The following XKR4 variants were observed in gnomAD, a reference collection of about 807,000 sequenced individuals.
XKR4 encodes the protein XK-related protein 4.
XKR4 carries 12 observed loss-of-function variants against 53.9 expected under a neutral mutation model. That is an observed-to-expected ratio of 0.22 (90% CI 0.14 to 0.36). XKR4 has a LOEUF of 0.36. Ranked by LOEUF, XKR4 falls within the 10% of genes least tolerant of loss-of-function variation. XKR4 has a pLI of 1.00. For missense variants in XKR4, 799 were observed against 859.5 expected (o/e 0.93, Z 0.88); for synonymous variants, 354 against 362.4 (o/e 0.98, Z 0.26).
In XKR4 at chr8:55,527,073, C is replaced by G. The variant is rs899749138; in HGVS notation, c.*2846C>G. The G allele has an allele frequency of 1.3e-5, 2 of 152,174 alleles. No individual in the cohort carries two copies. Among genetic ancestry groups the G allele is most frequent in the African/African-American group, 4.8e-5 (2 of 41,448 alleles). The allele number at this position is 152,174 out of a possible 1,614,324, so 9.4% of individuals were successfully genotyped here. The stretch of plus-strand genomic sequence containing the variant: ...GATAAATCATGATTTAGCCTTGCTT[C>G]CATGATTCAGGAAGCACTACACTGC... On this transcript the variant is annotated 3_prime_UTR_variant, in exon 3 of 3. Coordinates refer to ENST00000327381, the MANE Select transcript of XKR4 (RefSeq NM_052898.2).
intron 1 of XKR4, among the ~76,000 whole-genome samples, chr8:55,129,618 A>G (rs771693631): frequency 3.9e-5 from 6 of 152,138 alleles, no homozygotes; most frequent in Non-Finnish European, 7.4e-5. Flanking sequence ...TCGGGGTGAG[A>G]AAGTTGACCC....
At chr8:55,480,095 A>C (rs1318072537) in intron 2 of XKR4, among the ~76,000 whole-genome samples, 2 of 152,158 alleles carry the variant, frequency 1.3e-5, no homozygotes, top group African/African-American at 4.8e-5. Context: ...AGAGACACCA[A>C]CAAAAAAGAG....
At chr8:55,476,355 G>A (rs1468830346) in intron 2 of XKR4, among the ~76,000 whole-genome samples, 1 of 152,174 alleles carries the variant, frequency 6.6e-6, no homozygotes, top group South Asian at 2.1e-4. Context: ...CCCCCCAGAG[G>A]TCAAAATGCC....
chr8:55,279,776 G>A (rs1442258146), intron 1 of XKR4, among the ~76,000 whole-genome samples: 10 of 152,146 alleles, frequency 6.6e-5, no homozygotes, highest in Admixed American at 5.2e-4. Flanking sequence ...CCAGAATGGG[G>A]CCATGTCTTG....
intron 2 of XKR4, among the ~76,000 whole-genome samples, chr8:55,414,313 C>A (rs1804814436): frequency 6.6e-6 from 1 of 152,090 alleles, no homozygotes; most frequent in Admixed American, 6.5e-5. Flanking sequence ...GCTTTTGCTT[C>A]TTGCAAGGCG....
chr8:55,358,676 G>GGAAAGCATTTCCTATTAATT (rs1803855479), intron 2 of XKR4, among the ~76,000 whole-genome samples: 1 of 152,214 alleles, frequency 6.6e-6, no homozygotes. Flanking sequence ...CATTTTCTAA[G>GGAAAGCATTTCCTATTAATT]GAAAGCATTT....
intron 2 of XKR4, among the ~76,000 whole-genome samples, chr8:55,476,956 A>G (rs948593713): frequency 2.0e-5 from 3 of 152,090 alleles, no homozygotes; most frequent in African/African-American, 7.2e-5. Context: ...TGTAGAGTCC[A>G]CCTCTGGGGG....
chr8:55,399,087 G>C (rs1804562051), intron 2 of XKR4, among the ~76,000 whole-genome samples: 1 of 152,192 alleles, frequency 6.6e-6, no homozygotes, highest in Non-Finnish European at 1.5e-5. Context: ...GAAGTAGCGA[G>C]TGTTGTTCTT....
chr8:55,222,106 G>A (rs890586398), intron 1 of XKR4, among the ~76,000 whole-genome samples: 6 of 152,186 alleles, frequency 3.9e-5, no homozygotes, highest in African/African-American at 1.2e-4. Flanking sequence ...CCACCTTCCC[G>A]TCCTTGCTTA....
intron 2 of XKR4, among the ~76,000 whole-genome samples, chr8:55,447,838 C>A (rs1171374047): frequency 6.6e-6 from 1 of 152,194 alleles, no homozygotes; most frequent in Non-Finnish European, 1.5e-5. Context: ...AAGTCTGAGA[C>A]TGGGGAATTT....
intron 1 of XKR4, among the ~76,000 whole-genome samples, chr8:55,160,395 G>A (rs977214468): frequency 2.0e-5 from 3 of 152,184 alleles, no homozygotes; most frequent in Non-Finnish European, 4.4e-5. Flanking sequence ...TGGATCAGGA[G>A]GGTTAGAATT....
intron 1 of XKR4, among the ~76,000 whole-genome samples, chr8:55,263,619 A>G (rs1818559444): frequency 6.6e-6 from 1 of 152,258 alleles, no homozygotes; most frequent in Admixed American, 6.5e-5. Flanking sequence ...CAAGGATGGC[A>G]AAACAGTTTA....
chr8:55,334,503 G>T (rs1282117227), intron 1 of XKR4, among the ~76,000 whole-genome samples: 1 of 152,072 alleles, frequency 6.6e-6, no homozygotes, highest in African/African-American at 2.4e-5. Context: ...CTGGGAGAAG[G>T]CTCAGCACTT....
chr8:55,291,166 C>A (rs1002630679), intron 1 of XKR4, among the ~76,000 whole-genome samples: 1 of 152,128 alleles, frequency 6.6e-6, no homozygotes, highest in Non-Finnish European at 1.5e-5. Flanking sequence ...TGTCAAAAAT[C>A]AGTTGGTGAT....
intron 2 of XKR4, among the ~76,000 whole-genome samples, chr8:55,392,492 T>C (rs1187736644): frequency 6.6e-6 from 1 of 152,222 alleles, no homozygotes; most frequent in African/African-American, 2.4e-5. Flanking sequence ...TTCGAGTTAC[T>C]ATTAAAAATT....
chr8:55,264,624 A>T (rs1818572953), intron 1 of XKR4, among the ~76,000 whole-genome samples: 1 of 152,220 alleles, frequency 6.6e-6, no homozygotes, highest in South Asian at 2.1e-4. Flanking sequence ...GAGGTTTGTA[A>T]TTTTAACTAA....
Position 55,272,968 on chromosome 8 carries a change from C to T in XKR4, c.807-84710C>T, listed in dbSNP as rs139376708. ...CCACTGCCTACATTGGAACAATTAA[C>T]TGAATTTTCAACAAAAGTGTCTAGA... On this transcript the variant is annotated intron_variant, in intron 1 of 2. Coordinates refer to ENST00000327381, the MANE Select transcript of XKR4 (RefSeq NM_052898.2). The T allele has an allele frequency of 1.1e-4, 50 of 439,352 alleles. No individual in the cohort carries two copies. The Admixed American group carries it at 1.3e-3, about 11-fold the overall frequency. The allele number at this position is 439,352 out of a possible 1,614,324, so 27.2% of individuals were successfully genotyped here. A position where few individuals can be genotyped will look rare whatever the true frequency, so the allele number is the denominator to read the frequency against.
chr8:55,425,575 A>G (rs1805000000), intron 2 of XKR4, among the ~76,000 whole-genome samples: 1 of 152,164 alleles, frequency 6.6e-6, no homozygotes, highest in South Asian at 2.1e-4. Flanking sequence ...AGTATGTTCA[A>G]AGCAGAAAGT....
intron 2 of XKR4, among the ~76,000 whole-genome samples, chr8:55,440,790 C>T (rs572181635): frequency 1.3e-5 from 2 of 152,078 alleles, no homozygotes; most frequent in African/African-American, 2.4e-5. Context: ...CAATTAGGCT[C>T]TTTCTACATC....
Sources: allele counts gnomAD v4.1 joint callset (sites outside exome capture counted in the v4.1 genomes callset), GRCh38; gene constraint gnomAD v4.1.1; transcripts MANE v1.5; gene names NCBI Gene and HGNC (gene_info 2026-07-23, HGNC 2026-07-21).